The following USP30 variants were observed in gnomAD, a reference collection of about 807,000 sequenced individuals.
USP30 encodes the protein ubiquitin specific peptidase 30.
USP30 carries 41 observed loss-of-function variants against 68.2 expected under a neutral mutation model. The ratio of observed to expected loss-of-function variants is 0.60; its 90% CI spans 0.47 to 0.78. The LOEUF (loss-of-function observed/expected upper bound fraction) is 0.78, where lower values mean the gene tolerates loss of function less well. USP30 is among the 30% of genes least tolerant of loss of function. USP30 has a pLI of 0.00. For missense variants in USP30, 522 were observed against 649.4 expected, an observed-to-expected ratio of 0.80 and a Z score of 2.13; for synonymous variants, 229 against 253.7, an observed-to-expected ratio of 0.90 and a Z score of 0.93.
At chr12:109,048,142 G>A (rs907782616), upstream of USP30, among the ~76,000 whole-genome samples, 1 of 150,166 alleles carries the variant, frequency 6.7e-6, no homozygotes. Context: ...GTGGAGTGCA[G>A]TGGCACAATC....
rs3217401 is a variant in USP30, at chr12:109,052,621, CCGGCGG to C, written c.-45_-40del. On this transcript the variant is annotated 5_prime_UTR_variant, in exon 1 of 13. Transcript: ENST00000257548. ...CTCGGGAACCGTCGTATCCCTCGGT[CCGGCGG>C]CGGCGGCGGCGGTAGCGGAGGAGAC... The C allele has an allele frequency of 3.2e-5, 44 of 1,354,996 alleles. 1 individual carries two copies. The East Asian group carries it at 6.7e-4, about 21-fold the overall frequency. 83.9% of individuals were successfully genotyped at this position (1,354,996 alleles called of 1,614,324 possible).
intron 3 of USP30, among the ~76,000 whole-genome samples, chr12:109,065,216 T>G (rs2041209965): frequency 6.6e-6 from 1 of 152,144 alleles, no homozygotes; most frequent in South Asian, 2.1e-4. Context: ...AGAGGCAGGC[T>G]TCTGTATTTT....
intron 3 of USP30, among the ~76,000 whole-genome samples, chr12:109,039,380 AG>A (rs1489999328): frequency 6.6e-6 from 1 of 152,166 alleles, no homozygotes; most frequent in Non-Finnish European, 1.5e-5. Flanking sequence ...TCTTCCAAAA[AG>A]GTTTGGGTGG....
At chr12:109,043,104 C>A (rs1013397522) in intron 3 of USP30, among the ~76,000 whole-genome samples, 7 of 152,056 alleles carry the variant, frequency 4.6e-5, no homozygotes, top group Non-Finnish European at 8.8e-5. Context: ...TTAAAGAAGA[C>A]ATAATGGAAA....
rs1038165524 is a variant in USP30, at chr12:109,081,840, A to G, written c.781-93A>G. 9.3e-6 allele frequency: 12 copies of G among 1,290,964 alleles called. No homozygotes were observed. The Middle Eastern group carries it at 7.3e-4, about 79-fold the overall frequency. The allele number at this position is 1,290,964 out of a possible 1,614,324, so 80.0% of individuals were successfully genotyped here. On this transcript the variant is annotated intron_variant, in intron 8 of 12. Coordinates refer to ENST00000257548, the MANE Select transcript of USP30 (RefSeq NM_032663.5). ...AAAACTTTATTGCCTGCATACATCA[A>G]AATAAAGCTCTGGTCTTCACACTGC...
chr12:109,049,946 T>G (rs1362767130), upstream of USP30, among the ~76,000 whole-genome samples: 1 of 152,140 alleles, frequency 6.6e-6, no homozygotes, highest in Non-Finnish European at 1.5e-5. Flanking sequence ...GCCACAAACC[T>G]TGAACTTGTA....
At chr12:109,033,182 T>C (rs766156788) in intron 3 of USP30, among the ~76,000 whole-genome samples, 12 of 152,138 alleles carry the variant, frequency 7.9e-5, no homozygotes, top group Non-Finnish European at 1.3e-4. Flanking sequence ...TCAAATAAAA[T>C]ATAGAGGTGA....
intron 3 of USP30, among the ~76,000 whole-genome samples, chr12:109,042,377 T>A (rs1374931520): frequency 1.3e-5 from 2 of 152,208 alleles, no homozygotes; most frequent in African/African-American, 4.8e-5. Flanking sequence ...GCAAGCAATG[T>A]GTGCTCCCAG....
At chr12:109,079,617 C>T (rs2041737706) in intron 7 of USP30, among the ~76,000 whole-genome samples, 2 of 151,998 alleles carry the variant, frequency 1.3e-5, no homozygotes. Context: ...CCTTACACTT[C>T]AGCCTCCCAA....
intron 3 of USP30, among the ~76,000 whole-genome samples, chr12:109,033,639 G>A (rs1365605174): frequency 6.6e-6 from 1 of 152,114 alleles, no homozygotes; most frequent in African/African-American, 2.4e-5. Flanking sequence ...AAAAAAGTGG[G>A]GGAATAAAAC....
chr12:109,049,389 C>T (rs2040637412), upstream of USP30, among the ~76,000 whole-genome samples: 1 of 152,158 alleles, frequency 6.6e-6, no homozygotes, highest in Non-Finnish European at 1.5e-5. Context: ...GTCAGTGGAG[C>T]ACTTGGAACA....
At chr12:109,046,863 A>C (rs2040609754) in intron 3 of USP30, among the ~76,000 whole-genome samples, 1 of 151,606 alleles carries the variant, frequency 6.6e-6, no homozygotes, top group African/African-American at 2.4e-5. Flanking sequence ...TGCCCAGCTA[A>C]TTTTTGTATT....
intron 3 of USP30, among the ~76,000 whole-genome samples, chr12:109,061,599 AG>A (rs1453461137): frequency 6.6e-6 from 1 of 151,228 alleles, no homozygotes; most frequent in Non-Finnish European, 1.5e-5. Flanking sequence ...GAGTAGAGAC[AG>A]GGTTTTGACT....
intron 3 of USP30, among the ~76,000 whole-genome samples, chr12:109,043,587 A>G (rs951067853): frequency 2.6e-5 from 4 of 152,216 alleles, no homozygotes; most frequent in African/African-American, 9.6e-5. Context: ...CAAAATGGGT[A>G]AATACCAAAA....
rs2041948981 is a variant in USP30 at position 109,086,398 on chromosome 12, G to A, written c.*467G>A. 1 of 157,558 alleles carries A rather than the reference G, an allele frequency of 6.3e-6. No individual in the cohort carries two copies. The highest frequency in any genetic ancestry group is 1.9e-4 in the South Asian group (1 of 5,362). 9.8% of individuals were successfully genotyped at this position (157,558 alleles called of 1,614,324 possible). On this transcript the variant is annotated 3_prime_UTR_variant, in exon 13 of 13. Transcript: ENST00000257548. Reference sequence around the variant, plus strand: ...AGAAGAAAAAGTGCCTTTCACTTTCGATTGCTTTTGTAGCACGTCCATTGT... The same window carrying A: ...AGAAGAAAAAGTGCCTTTCACTTTCAATTGCTTTTGTAGCACGTCCATTGT...
chr12:109,046,373 ACAG>A (rs2040604883), intron 3 of USP30, among the ~76,000 whole-genome samples: 1 of 149,492 alleles, frequency 6.7e-6, no homozygotes, highest in Admixed American at 6.7e-5. Flanking sequence ...TCAGCCTCCC[ACAG>A]TGCTGGGATT....
chr12:109,047,882 T>C (rs1171440734), upstream of USP30, among the ~76,000 whole-genome samples: 1 of 151,890 alleles, frequency 6.6e-6, no homozygotes, highest in Non-Finnish European at 1.5e-5. Context: ...CCAGCTAAAG[T>C]GGTGGTTCTC....
rs1293718729 is a variant in USP30 at position 109,087,613 on chromosome 12, A to G, written c.*1682A>G. The G allele has an allele frequency of 1.3e-5, 2 of 152,292 alleles. No individual in the cohort carries two copies. The highest frequency in any genetic ancestry group is 2.9e-5 in the Non-Finnish European group (2 of 68,096). The allele number at this position is 152,292 out of a possible 1,614,324, so 9.4% of individuals were successfully genotyped here. A position where few individuals can be genotyped will look rare whatever the true frequency, so the allele number is the denominator to read the frequency against. On this transcript the variant is annotated 3_prime_UTR_variant, in exon 13 of 13. Transcript: ENST00000257548. ...AACAAATGCCCAATCATGTGACCTTAAAGTGTACTGCAAAGCTGTAGCTTT... is the reference window on the plus strand; with the variant it reads ...AACAAATGCCCAATCATGTGACCTTGAAGTGTACTGCAAAGCTGTAGCTTT...
intron 5 of USP30, 36 bp downstream of exon 5, chr12:109,071,746 C>T: frequency 6.4e-7 from 1 of 1,569,936 alleles, no homozygotes. Context: ...TTCTGTGCAG[C>T]TTGTGCATAT....
Sources: gnomAD v4.1 joint callset for allele counts (sites outside exome capture counted in the v4.1 genomes callset) on GRCh38, gnomAD v4.1.1 for gene constraint, MANE v1.5 for transcripts, NCBI Gene and HGNC (gene_info 2026-07-23, HGNC 2026-07-21) for gene names.